The following ARMC9 variants were observed in gnomAD, a reference collection of about 807,000 sequenced individuals.
The protein encoded by ARMC9 is armadillo repeat containing 9.
Under a neutral mutation model 107.0 loss-of-function variants are expected in ARMC9, and 94 were observed. That is an observed-to-expected ratio of 0.88 (90% CI 0.74 to 1.04). ARMC9 has a LOEUF of 1.04. Ranked by LOEUF, ARMC9 falls within the 50% of genes least tolerant of loss-of-function variation. The pLI is 0.00. For missense variants in ARMC9, 942 were observed against 1,030.1 expected (o/e 0.91, Z 1.17); for synonymous variants, 380 against 396.9 (o/e 0.96, Z 0.51).
At chr2:231,239,796 C>A in intron 8 of ARMC9, 147 bp from the exon 9 acceptor site, 1 of 696,130 alleles carries the variant, frequency 1.4e-6, no homozygotes, top group Non-Finnish European at 2.5e-6. Flanking sequence ...GATGTTAAAG[C>A]AAATGATTAT....
chr2:231,354,937 C>T (rs1413106554), intron 21 of ARMC9, among the ~76,000 whole-genome samples: 1 of 152,248 alleles, frequency 6.6e-6, no homozygotes, highest in South Asian at 2.1e-4. Context: ...TGCAATGAAG[C>T]TCTCAGCACT....
intron 19 of ARMC9, among the ~76,000 whole-genome samples, chr2:231,317,037 T>G (rs2042732665): frequency 6.6e-6 from 1 of 152,166 alleles, no homozygotes; most frequent in African/African-American, 2.4e-5. Flanking sequence ...AATTGCATAT[T>G]TTATCATTGC....
chr2:231,278,354 A>T (rs755302629), intron 15 of ARMC9, 28 bp from the exon 16 acceptor site: 3 of 1,610,888 alleles, frequency 1.9e-6, no homozygotes, highest in Non-Finnish European at 2.5e-6. Flanking sequence ...TAGACATGTC[A>T]TGTTTAGCTT....
At chr2:231,272,504 T>G (rs917312323) in intron 13 of ARMC9, among the ~76,000 whole-genome samples, 1 of 143,254 alleles carries the variant, frequency 7.0e-6, no homozygotes, top group Non-Finnish European at 1.6e-5. Context: ...CAGTAAGTGT[T>G]TGTTTGTTTG....
chr2:231,373,581 G>A lies in ARMC9; in HGVS notation c.*2046G>A, dbSNP rs533201899. ...AAAGATAGTCTTTTAGAGAAGTGGG[G>A]AGTATCCAACTTAGGGTCAAAATAC... On this transcript the variant is annotated 3_prime_UTR_variant, in exon 25 of 25. Coordinates refer to ENST00000611582, the MANE Select transcript of ARMC9 (RefSeq NM_001352754.2). This position sits in a 1 kb window ranked among gnomAD's most constrained non-coding sequence, Gnocchi z 4.4. 1.3e-5 allele frequency: 2 copies of A among 152,306 alleles called. No homozygotes were observed. Among genetic ancestry groups the A allele is most frequent in the African/African-American group, 4.8e-5 (2 of 41,566 alleles). The allele number at this position is 152,306 out of a possible 1,614,324, so 9.4% of individuals were successfully genotyped here. A position where few individuals can be genotyped will look rare whatever the true frequency, so the allele number is the denominator to read the frequency against.
chr2:231,292,307 A>T (rs1006085303), intron 18 of ARMC9, among the ~76,000 whole-genome samples: 1 of 152,148 alleles, frequency 6.6e-6, no homozygotes, highest in African/African-American at 2.4e-5. Context: ...TAACCTTGTA[A>T]GTTCTCTTTA....
intron 22 of ARMC9, among the ~76,000 whole-genome samples, chr2:231,356,707 T>C (rs966537521): frequency 1.3e-5 from 2 of 152,224 alleles, no homozygotes; most frequent in African/African-American, 4.8e-5. Context: ...CTCTTGGTGA[T>C]GAGCAGTTTC....
intron 19 of ARMC9, among the ~76,000 whole-genome samples, chr2:231,300,526 G>A (rs544177289): frequency 2.6e-5 from 4 of 152,302 alleles, no homozygotes; most frequent in East Asian, 1.9e-4. Context: ...TGTTCTAGGC[G>A]CCTTATGGGT....
intron 19 of ARMC9, among the ~76,000 whole-genome samples, chr2:231,318,137 C>T (rs1012128857): frequency 6.6e-6 from 1 of 151,936 alleles, no homozygotes; most frequent in African/African-American, 2.4e-5. Flanking sequence ...TTTTGCTCTC[C>T]TGAGGGCTGT....
intron 19 of ARMC9, among the ~76,000 whole-genome samples, chr2:231,300,838 G>T (rs1385599373): frequency 6.6e-6 from 1 of 152,188 alleles, no homozygotes; most frequent in Non-Finnish European, 1.5e-5. Flanking sequence ...GAAATTCCAA[G>T]TACTCCAGGA....
intron 23 of ARMC9, among the ~76,000 whole-genome samples, chr2:231,365,090 G>C (rs1211867792): frequency 6.6e-6 from 1 of 152,234 alleles, no homozygotes; most frequent in Non-Finnish European, 1.5e-5. Context: ...GAGGCAGCCA[G>C]GAGCCAGGGC....
At chr2:231,203,938 C>T (rs2031528337) in intron 1 of ARMC9, among the ~76,000 whole-genome samples, 2 of 151,784 alleles carry the variant, frequency 1.3e-5, no homozygotes, top group Non-Finnish European at 2.9e-5. Flanking sequence ...CCAGCCCAAG[C>T]AACAACAGCG....
intron 20 of ARMC9, among the ~76,000 whole-genome samples, 188 bp from the exon 21 acceptor site, chr2:231,344,787 G>A (rs553387568): frequency 4.6e-5 from 7 of 151,964 alleles, no homozygotes; most frequent in African/African-American, 9.7e-5. Flanking sequence ...TACACAAACC[G>A]TTAGCAAAAA....
At chr2:231,236,337 CT>C (rs986125123) in intron 8 of ARMC9, among the ~76,000 whole-genome samples, 1 of 151,852 alleles carries the variant, frequency 6.6e-6, no homozygotes, top group African/African-American at 2.4e-5. Flanking sequence ...TTTATCTTAA[CT>C]TTTTTTTCTT....
In ARMC9 at chr2:231,235,385, A is replaced by G. The variant is rs887821210; in HGVS notation, c.780+4A>G. 1.2e-6 allele frequency: 2 copies of G among 1,614,002 alleles called. No homozygotes were observed. Among genetic ancestry groups the G allele is most frequent in the African/African-American group, 2.7e-5 (2 of 74,946 alleles). ...GGCCACAGTCAGCGGCAAGATGGTA[A>G]GGAAGATCCCTAATTGTGTGTATGT... is the stretch of plus-strand genomic sequence containing the variant. On this transcript the variant is annotated splice_donor_region_variant and intron_variant, in intron 8 of 24. Transcript: ENST00000611582.
chr2:231,265,192 C>T (rs866633218), intron 12 of ARMC9, among the ~76,000 whole-genome samples: 5 of 152,216 alleles, frequency 3.3e-5, no homozygotes, highest in South Asian at 4.1e-4. Context: ...GAAAACAGTA[C>T]GGAGATTCCT....
At chr2:231,261,478 A>G (rs999401963) in intron 11 of ARMC9, among the ~76,000 whole-genome samples, 1 of 152,208 alleles carries the variant, frequency 6.6e-6, no homozygotes, top group East Asian at 1.9e-4. Context: ...TCCCAATAGG[A>G]TAGGATAGAG....
At chr2:231,329,321 CTTTTT>C (rs1005298358) in intron 19 of ARMC9, among the ~76,000 whole-genome samples, 1 of 151,594 alleles carries the variant, frequency 6.6e-6, no homozygotes, top group African/African-American at 2.4e-5. Flanking sequence ...TTTTTCTTTT[CTTTTT>C]TGAGACAGAA....
chr2:231,208,488 A>T (rs1296463390), intron 3 of ARMC9, among the ~76,000 whole-genome samples: 1 of 152,260 alleles, frequency 6.6e-6, no homozygotes, highest in Admixed American at 6.5e-5. Context: ...GAAGGAAAAG[A>T]AGAAACCATG....
Sources: gnomAD v4.1 joint callset for allele counts (sites outside exome capture counted in the v4.1 genomes callset) on GRCh38, gnomAD v4.1.1 for gene constraint, Gnocchi (gnomAD v3.1) non-coding constraint, MANE v1.5 for transcripts, NCBI Gene and HGNC (gene_info 2026-07-23, HGNC 2026-07-21) for gene names.